The following LRRC7 variants were observed in gnomAD, a reference collection of about 807,000 sequenced individuals.
LRRC7 encodes the protein leucine-rich repeat-containing protein 7.
Under a neutral mutation model 175.7 loss-of-function variants are expected in LRRC7, and 23 were observed. The observed-to-expected ratio is 0.13, with a 90% confidence interval of 0.09 to 0.19. LRRC7 has a LOEUF of 0.19. LRRC7 is among the 10% of genes least tolerant of loss of function. The pLI is 1.00. For missense variants in LRRC7, 1,354 were observed against 1,904.7 expected, an observed-to-expected ratio of 0.71 and a Z score of 5.38; for synonymous variants, 685 against 680.9, an observed-to-expected ratio of 1.01 and a Z score of -0.09.
chr1:69,760,749 A>G (rs1670951136), intron 3 of LRRC7, among the ~76,000 whole-genome samples: 2 of 152,056 alleles, frequency 1.3e-5, no homozygotes, highest in South Asian at 4.1e-4. Flanking sequence ...GAAAATTTCT[A>G]TGTTGTATAT....
At chr1:70,108,302 C>T (rs1665281622) in intron 26 of LRRC7, among the ~76,000 whole-genome samples, 1 of 151,986 alleles carries the variant, frequency 6.6e-6, no homozygotes, top group Non-Finnish European at 1.5e-5. Flanking sequence ...AAGTTTAGCT[C>T]TATATAAGGT....
intron 7 of LRRC7, among the ~76,000 whole-genome samples, chr1:69,892,017 T>C (rs1257490390): frequency 6.6e-6 from 1 of 152,238 alleles, no homozygotes; most frequent in East Asian, 1.9e-4. Context: ...TTTATTCACT[T>C]GATTGTGGTA....
At chr1:69,822,109 C>T (rs781362239) in intron 4 of LRRC7, among the ~76,000 whole-genome samples, 2 of 152,164 alleles carry the variant, frequency 1.3e-5, no homozygotes, top group Non-Finnish European at 2.9e-5. Context: ...GCCTGCTCCA[C>T]CTATTTTGTT....
At chr1:69,799,339 C>A (rs1234016131) in intron 4 of LRRC7, among the ~76,000 whole-genome samples, 1 of 151,944 alleles carries the variant, frequency 6.6e-6, no homozygotes, top group Non-Finnish European at 1.5e-5. Context: ...TAAGTAATTT[C>A]TCATCCTTTT....
chr1:69,594,115 TATTA>T (rs1298680908), intron 1 of LRRC7, among the ~76,000 whole-genome samples: 3 of 152,196 alleles, frequency 2.0e-5, no homozygotes, highest in Non-Finnish European at 2.9e-5. Context: ...GTTATTAAAA[TATTA>T]ATTTTTACTG....
intron 3 of LRRC7, among the ~76,000 whole-genome samples, chr1:69,779,347 G>A (rs1673217172): frequency 2.0e-5 from 3 of 152,232 alleles, no homozygotes; most frequent in South Asian, 4.1e-4. Context: ...TTGAAATTAA[G>A]AACATTTAAA....
intron 2 of LRRC7, among the ~76,000 whole-genome samples, chr1:69,718,146 A>AAGAAAGAAAGAAAGAAAGAAAGAAAG (rs1665910363): frequency 1.3e-5 from 1 of 76,436 alleles, no homozygotes; most frequent in African/African-American, 4.9e-5. Flanking sequence ...AAGAGAGAGA[A>AAGAAAGAAAGAAAGAAAGAAAGAAAG]AGAAAGAAAG....
chr1:69,939,833 A>G (rs1053668741), intron 8 of LRRC7, among the ~76,000 whole-genome samples: 1 of 152,144 alleles, frequency 6.6e-6, no homozygotes, highest in Non-Finnish European at 1.5e-5. Context: ...AATCATGCCT[A>G]TATAAATACA....
chr1:69,576,914 T>C (rs1257839080), intron 1 of LRRC7, among the ~76,000 whole-genome samples: 1 of 152,212 alleles, frequency 6.6e-6, no homozygotes, highest in Non-Finnish European at 1.5e-5. Context: ...GGGTTTGAAT[T>C]ATTCCAAAAT....
chr1:70,108,188 G>A (rs1274783072), intron 26 of LRRC7, among the ~76,000 whole-genome samples: 1 of 151,692 alleles, frequency 6.6e-6, no homozygotes, highest in African/African-American at 2.4e-5. Context: ...TCATGAGGGA[G>A]AAGGAACTGG....
chr1:70,053,201 T>C (rs1235588520), intron 23 of LRRC7, 56 bp downstream of exon 23: 2 of 1,415,816 alleles, frequency 1.4e-6, no homozygotes, highest in African/African-American at 1.5e-5. Context: ...TCTACTGCAA[T>C]ATATAATAAA....
chr1:69,728,246 TA>T (rs1422051997), intron 2 of LRRC7, among the ~76,000 whole-genome samples: 2 of 152,022 alleles, frequency 1.3e-5, no homozygotes, highest in Non-Finnish European at 1.5e-5. Context: ...CTCTCCCTAT[TA>T]AAAAAATGGG....
At chr1:69,996,062 C>T (rs1247758446) in intron 11 of LRRC7, among the ~76,000 whole-genome samples, 2 of 150,784 alleles carry the variant, frequency 1.3e-5, no homozygotes, top group African/African-American at 4.9e-5. Flanking sequence ...CTCTCCAGCA[C>T]CTGTTGTTTC....
intron 4 of LRRC7, among the ~76,000 whole-genome samples, chr1:69,794,920 T>C (rs1675541571): frequency 6.6e-6 from 1 of 152,250 alleles, no homozygotes; most frequent in Non-Finnish European, 1.5e-5. Context: ...TATGATTCTG[T>C]ATTTTCTGGA....
intron 7 of LRRC7, among the ~76,000 whole-genome samples, chr1:69,924,037 C>T (rs1391054449): frequency 3.9e-5 from 6 of 152,114 alleles, no homozygotes; most frequent in Non-Finnish European, 7.3e-5. Flanking sequence ...CCAGTTTTCC[C>T]AGGACCATTT....
At chr1:69,771,855 T>C (rs1471363377) in intron 3 of LRRC7, among the ~76,000 whole-genome samples, 5 of 152,154 alleles carry the variant, frequency 3.3e-5, no homozygotes, top group Admixed American at 1.3e-4. Context: ...GCACGGTGGC[T>C]CACACCTGCA....
intron 14 of LRRC7, among the ~76,000 whole-genome samples, chr1:70,018,410 A>C (rs1384237123): frequency 6.6e-6 from 1 of 152,080 alleles, no homozygotes; most frequent in East Asian, 1.9e-4. Flanking sequence ...GAACTGTACC[A>C]AAAGCTTACT....
intron 1 of LRRC7, among the ~76,000 whole-genome samples, chr1:69,628,689 A>G (rs1046724731): frequency 6.6e-6 from 1 of 152,166 alleles, no homozygotes; most frequent in Non-Finnish European, 1.5e-5. Flanking sequence ...GAAAAGAACC[A>G]AGTCCAGATG....
Position 70,011,890 on chromosome 1 carries a change from A to T in LRRC7, c.1098A>T (p.Ala366=). The T allele has an allele frequency of 6.2e-7, 1 of 1,606,040 alleles. No individual in the cohort carries two copies. Residue 366 remains alanine (A), a synonymous_variant, in exon 12 of 27, where the codon GCA becomes GCT. Transcript: ENST00000651989. ...ACCTTCATAGTCTTCGGACATTAGC[A>T]GTTGATGAGAATTTCCTTCCAGAAT... The part of the protein sequence containing the change: ...IGYLHSLRTL[A]VDENFLPELP...
Sources: allele counts gnomAD v4.1 joint callset (sites outside exome capture counted in the v4.1 genomes callset), GRCh38; gene constraint gnomAD v4.1.1; transcripts MANE v1.5; gene names NCBI Gene and HGNC (gene_info 2026-07-23, HGNC 2026-07-21).